The following ANKRD44 variants were observed in gnomAD, a reference collection of about 807,000 sequenced individuals.
The protein encoded by ANKRD44 is serine/threonine-protein phosphatase 6 regulatory ankyrin repeat subunit B.
A neutral mutation model predicts 116.0 loss-of-function variants in ANKRD44; 35 were observed. The observed-to-expected ratio is 0.30, with a 90% CI of 0.23 to 0.40. ANKRD44 has a LOEUF of 0.40. ANKRD44 is among the 10% of genes least tolerant of loss of function. The probability of loss-of-function intolerance (pLI) is 1.00; values close to 1 mark genes in which losing one functional copy is unlikely to be tolerated. For missense variants in ANKRD44, 1,014 were observed against 1,242.6 expected (o/e 0.82, Z 2.77); for synonymous variants, 435 against 461.8 (o/e 0.94, Z 0.74).
intron 1 of ANKRD44, among the ~76,000 whole-genome samples, chr2:197,248,234 G>C (rs1289696145): frequency 6.6e-6 from 1 of 152,094 alleles, no homozygotes; most frequent in Non-Finnish European, 1.5e-5. Context: ...GGGTGAAACA[G>C]GTTGCCCTTT....
rs762365926 is a variant in ANKRD44 at position 197,009,025 on chromosome 2, T to C, written c.1931A>G (p.Asn644Ser). Residue 644 changes from asparagine to serine, a missense_variant, in exon 19 of 28, where the codon AAT (asparagine) becomes AGT (serine). Coordinates refer to ENST00000282272, the MANE Select transcript of ANKRD44 (RefSeq NM_001195144.2). ...CAGCCGTAAACACAGTGTGTGACCATTAATTACTGAAAAAGAAAACAGTGG... is the reference window on the plus strand; with the variant it reads ...CAGCCGTAAACACAGTGTGTGACCACTAATTACTGAAAAAGAAAACAGTGG... ...KRTPLHASVI[N>S]GHTLCLRLLL... 22 of 1,613,716 alleles carry C rather than the reference T, an allele frequency of 1.4e-5. No individual in the cohort carries two copies. The highest frequency in any genetic ancestry group is 1.8e-5 in the Non-Finnish European group (21 of 1,179,764).
chr2:197,105,614 G>A (rs562013261), intron 9 of ANKRD44, among the ~76,000 whole-genome samples: 7 of 152,220 alleles, frequency 4.6e-5, no homozygotes, highest in East Asian at 1.9e-4. Flanking sequence ...TTTAGTTTAC[G>A]GTGAGCATGT....
In ANKRD44 at chr2:197,086,855, C is replaced by A. The variant is rs1002495211; in HGVS notation, c.1248-107G>T. The A allele has an allele frequency of 2.3e-5, 22 of 969,514 alleles. No individual in the cohort carries two copies. In the African/African-American group the frequency reaches 3.2e-4, roughly 14 times the overall value. The allele number at this position is 969,514 out of a possible 1,614,324, so 60.1% of individuals were successfully genotyped here. The stretch of plus-strand genomic sequence containing the variant: ...TACAGGACCAGATGAAAAGATAGCT[C>A]CTGGTCTAAATTCCGCTAATAAAAA... On this transcript the variant is annotated intron_variant, in intron 12 of 27. Coordinates refer to ENST00000282272, the MANE Select transcript of ANKRD44 (RefSeq NM_001195144.2).
chr2:197,248,552 ATATG>A (rs1191171303), intron 1 of ANKRD44, among the ~76,000 whole-genome samples: 2 of 87,876 alleles, frequency 2.3e-5, no homozygotes, highest in Admixed American at 1.4e-4. Flanking sequence ...ACATATATGT[ATATG>A]TGTGTGTGTG....
At chr2:197,122,068 G>A (rs1050715087) in intron 7 of ANKRD44, among the ~76,000 whole-genome samples, 3 of 152,152 alleles carry the variant, frequency 2.0e-5, no homozygotes, top group South Asian at 2.1e-4. Context: ...CAGAGCAGTG[G>A]TGCCGTCAGG....
At chr2:197,305,457 G>A (rs930047612) in intron 1 of ANKRD44, among the ~76,000 whole-genome samples, 2 of 152,116 alleles carry the variant, frequency 1.3e-5, no homozygotes, top group African/African-American at 4.8e-5. Flanking sequence ...CTATACTTTA[G>A]CCTATAAAAA....
At position 197,013,625 on chromosome 2, in the gene ANKRD44, G is replaced by A; in HGVS notation, c.1810C>T (p.Leu604=). 6.2e-6 allele frequency: 10 copies of A among 1,614,158 alleles called. No individual in the cohort carries two copies. The highest frequency in any genetic ancestry group is 7.6e-6 in the Non-Finnish European group (9 of 1,180,046). ...DIRDEKGRTA[L]DLAAFKGHTE... is the part of the protein sequence containing the mutation. The stretch of plus-strand genomic sequence containing the variant: ...TGTCCTTTAAAGGCAGCCAGATCCA[G>A]AGCAGTGCGGCCTTTCTCATCCCTG... The change falls in exon 18 of 28, where the codon CTG becomes TTG. Residue 604 remains leucine (L), a synonymous_variant. Coordinates refer to ENST00000282272, the MANE Select transcript of ANKRD44 (RefSeq NM_001195144.2).
chr2:197,285,926 G>C (rs2083393827), intron 1 of ANKRD44, among the ~76,000 whole-genome samples: 1 of 152,222 alleles, frequency 6.6e-6, no homozygotes, highest in Non-Finnish European at 1.5e-5. Context: ...TAAGTGCCCA[G>C]TGGCAGTAAT....
intron 16 of ANKRD44, among the ~76,000 whole-genome samples, chr2:197,027,218 C>A (rs1418319620): frequency 6.6e-6 from 1 of 151,948 alleles, no homozygotes; most frequent in Non-Finnish European, 1.5e-5. Flanking sequence ...AAAAATTAAC[C>A]AAGTGTGGTG....
At position 197,122,711 on chromosome 2, in the gene ANKRD44, T is replaced by C. The variant is rs936333363; in HGVS notation, c.632A>G (p.His211Arg). Residue 211 changes from histidine (H) to arginine (R), a missense_variant, in exon 7 of 28, where the codon CAT becomes CGT. By Grantham distance (29) the His-to-Arg change is conservative. Coordinates refer to ENST00000282272, the MANE Select transcript of ANKRD44 (RefSeq NM_001195144.2). ...CKDKKGYTPL[H>R]AAASNGQINV... Reference sequence around the variant, plus strand: ...AATCTGTCCATTGGAGGCTGCAGCATGCAGAGGGGTATAACCCTTCTTATC... The same window carrying C: ...AATCTGTCCATTGGAGGCTGCAGCACGCAGAGGGGTATAACCCTTCTTATC... The C allele has an allele frequency of 6.2e-7, 1 of 1,614,236 alleles. No individual in the cohort carries two copies.
chr2:197,307,955 A>G (rs1325695523), intron 1 of ANKRD44, among the ~76,000 whole-genome samples: 2 of 152,144 alleles, frequency 1.3e-5, no homozygotes, highest in Non-Finnish European at 2.9e-5. Context: ...GGACTGTTTG[A>G]GCCCAAGAGT....
intron 21 of ANKRD44, among the ~76,000 whole-genome samples, chr2:196,972,857 T>C (rs575534836): frequency 6.6e-6 from 1 of 152,354 alleles, no homozygotes; most frequent in South Asian, 2.1e-4. Context: ...ATAATTCTAA[T>C]GTTAATGGAT....
At chr2:197,111,288 C>T (rs1166728696) in intron 8 of ANKRD44, among the ~76,000 whole-genome samples, 1 of 152,046 alleles carries the variant, frequency 6.6e-6, no homozygotes, top group East Asian at 1.9e-4. Flanking sequence ...AAATGTGTTA[C>T]CTTGCATGGT....
intron 1 of ANKRD44, among the ~76,000 whole-genome samples, chr2:197,217,542 T>C (rs115567825): frequency 1.3e-5 from 2 of 152,308 alleles, no homozygotes; most frequent in African/African-American, 4.8e-5. Flanking sequence ...CACATTCAAT[T>C]GGGTATCTGA....
At chr2:197,055,957 A>G (rs2077194985) in intron 16 of ANKRD44, among the ~76,000 whole-genome samples, 1 of 152,154 alleles carries the variant, frequency 6.6e-6, no homozygotes, top group South Asian at 2.1e-4. Flanking sequence ...GAGTGCTATC[A>G]TAGCTCACTG....
At chr2:197,037,651 T>C (rs918476420) in intron 16 of ANKRD44, among the ~76,000 whole-genome samples, 2 of 152,166 alleles carry the variant, frequency 1.3e-5, no homozygotes, top group Non-Finnish European at 2.9e-5. Flanking sequence ...ATAAAAACAA[T>C]CTGAAGCTGG....
chr2:197,248,578 G>GTATATATATA (rs377124357), intron 1 of ANKRD44, among the ~76,000 whole-genome samples: 15 of 144,226 alleles, frequency 1.0e-4, no homozygotes, highest in African/African-American at 4.0e-4. Flanking sequence ...GTGTGTGTGT[G>GTATATATATA]TATATATATA....
chr2:196,983,927 G>A (rs1209417864), downstream of ANKRD44, among the ~76,000 whole-genome samples: 2 of 152,170 alleles, frequency 1.3e-5, no homozygotes, highest in Non-Finnish European at 2.9e-5. Context: ...CCACATTTTG[G>A]TTTGATAACA....
intron 1 of ANKRD44, among the ~76,000 whole-genome samples, chr2:197,279,808 C>T (rs545636941): frequency 1.3e-5 from 2 of 152,316 alleles, no homozygotes; most frequent in South Asian, 2.1e-4. Flanking sequence ...GCACCCTAAA[C>T]ACAGACCGCC....
Sources: allele counts gnomAD v4.1 joint callset (sites outside exome capture counted in the v4.1 genomes callset), GRCh38; gene constraint gnomAD v4.1.1; transcripts MANE v1.5; gene names NCBI Gene and HGNC (gene_info 2026-07-23, HGNC 2026-07-21).